Variants in ROBO1 observed in about 807,000 individuals in gnomAD.
The protein encoded by ROBO1 is roundabout homolog 1.
ROBO1 carries 149 observed loss-of-function variants against 195.9 expected under a neutral mutation model. The ratio of observed to expected loss-of-function variants is 0.76; its 90% confidence interval spans 0.67 to 0.87. The LOEUF (loss-of-function observed/expected upper bound fraction) is 0.87, where lower values mean the gene tolerates loss of function less well. Ranked by LOEUF, ROBO1 falls within the 40% of genes least tolerant of loss-of-function variation. The pLI is 0.00. For missense variants in ROBO1, 1,933 were observed against 2,068.3 expected, an observed-to-expected ratio of 0.93 and a Z score of 1.27; for synonymous variants, 816 against 733.2, an observed-to-expected ratio of 1.11 and a Z score of -1.82.
At chr3:78,699,149 T>A (rs930878169) in intron 8 of ROBO1, among the ~76,000 whole-genome samples, 1 of 152,118 alleles carries the variant, frequency 6.6e-6, no homozygotes, top group South Asian at 2.1e-4. Flanking sequence ...CCTCCTTCTC[T>A]CTTTATTGCC....
At chr3:78,899,387 T>C (rs2107456150) in intron 4 of ROBO1, among the ~76,000 whole-genome samples, 1 of 152,358 alleles carries the variant, frequency 6.6e-6, no homozygotes, top group South Asian at 2.1e-4. Flanking sequence ...TAAATGGTTA[T>C]ATGTTTTTAA....
At chr3:79,236,534 C>T (rs569300639) in intron 2 of ROBO1, among the ~76,000 whole-genome samples, 1 of 152,150 alleles carries the variant, frequency 6.6e-6, no homozygotes, top group East Asian at 1.9e-4. Flanking sequence ...AACTTAAAGT[C>T]TTTTTGTACA....
chr3:79,157,948 T>C (rs1576750567), intron 2 of ROBO1, among the ~76,000 whole-genome samples: 1 of 151,940 alleles, frequency 6.6e-6, no homozygotes, highest in African/African-American at 2.4e-5. Flanking sequence ...TGGTCCATCA[T>C]ATGCAGATAG....
intron 2 of ROBO1, among the ~76,000 whole-genome samples, chr3:79,359,227 G>A (rs1430438551): frequency 6.6e-6 from 1 of 151,800 alleles, no homozygotes; most frequent in Non-Finnish European, 1.5e-5. Flanking sequence ...ACAATATAAT[G>A]ATGAAACAGT....
At chr3:79,643,838 A>C (rs1576168379) in intron 1 of ROBO1, among the ~76,000 whole-genome samples, 1 of 152,302 alleles carries the variant, frequency 6.6e-6, no homozygotes, top group East Asian at 1.9e-4. Context: ...GGCATGCACA[A>C]AAGATGACAG....
intron 24 of ROBO1, among the ~76,000 whole-genome samples, chr3:78,632,352 A>G (rs1244583443): frequency 6.6e-6 from 1 of 152,120 alleles, no homozygotes; most frequent in Non-Finnish European, 1.5e-5. Context: ...GTAGGTTACC[A>G]CACTAAGCGT....
intron 4 of ROBO1, among the ~76,000 whole-genome samples, chr3:78,797,246 C>T (rs2084212289): frequency 6.6e-6 from 1 of 152,142 alleles, no homozygotes; most frequent in South Asian, 2.1e-4. Flanking sequence ...TGTCATTGTT[C>T]ATTGGTATAT....
chr3:79,059,588 T>C (rs957840668), intron 3 of ROBO1, among the ~76,000 whole-genome samples: 1 of 152,026 alleles, frequency 6.6e-6, no homozygotes, highest in Admixed American at 6.6e-5. Context: ...ATTGTGAAGA[T>C]TTCATGGACA....
At chr3:79,133,893 C>T (rs1277405839) in intron 2 of ROBO1, among the ~76,000 whole-genome samples, 1 of 149,438 alleles carries the variant, frequency 6.7e-6, no homozygotes, top group Non-Finnish European at 1.5e-5. Flanking sequence ...TGTTAGTTTT[C>T]CTTCTAACAG....
At chr3:79,065,286 A>G (rs1229948637) in intron 3 of ROBO1, among the ~76,000 whole-genome samples, 6 of 151,978 alleles carry the variant, frequency 3.9e-5, no homozygotes, top group African/African-American at 1.4e-4. Context: ...TAATTCTGTC[A>G]TTCCCTATGT....
intron 4 of ROBO1, among the ~76,000 whole-genome samples, chr3:78,794,754 T>C (rs1442174511): frequency 6.6e-6 from 1 of 152,064 alleles, no homozygotes; most frequent in Non-Finnish European, 1.5e-5. Context: ...GGCTAATTTT[T>C]GTATTTTAAT....
At chr3:78,964,497 T>G (rs80169091) in intron 3 of ROBO1, among the ~76,000 whole-genome samples, 1 of 151,888 alleles carries the variant, frequency 6.6e-6, no homozygotes, top group African/African-American at 2.4e-5. Flanking sequence ...GACCTAAATA[T>G]GTCCAAAAAA....
chr3:78,731,233 A>G (rs912001035), intron 5 of ROBO1, among the ~76,000 whole-genome samples: 4 of 152,118 alleles, frequency 2.6e-5, no homozygotes, highest in African/African-American at 9.7e-5. Flanking sequence ...AACGGTATTA[A>G]TTGTAATAAG....
chr3:78,661,393 T>C (rs1707395078), intron 15 of ROBO1, 132 bp from the exon 16 acceptor site: 2 of 498,678 alleles, frequency 4.0e-6, no homozygotes, highest in Admixed American at 7.6e-5. Context: ...ACAAGAAATG[T>C]GTAAGAATTA....
At chr3:79,616,695 A>T (rs1047418736) in intron 1 of ROBO1, among the ~76,000 whole-genome samples, 1 of 151,922 alleles carries the variant, frequency 6.6e-6, no homozygotes, top group African/African-American at 2.4e-5. Flanking sequence ...TGAAGAGAGG[A>T]TCTTCTCTCA....
At chr3:78,707,909 T>A (rs1332438090) in intron 8 of ROBO1, among the ~76,000 whole-genome samples, 2 of 152,182 alleles carry the variant, frequency 1.3e-5, no homozygotes, top group Non-Finnish European at 2.9e-5. Flanking sequence ...GGGATTGGAT[T>A]TTCTTATACT....
At chr3:79,522,281 T>C (rs540776148) in intron 2 of ROBO1, among the ~76,000 whole-genome samples, 3 of 152,176 alleles carry the variant, frequency 2.0e-5, no homozygotes, top group Non-Finnish European at 4.4e-5. Context: ...CCTATTATTA[T>C]CTAAACAGAC....
intron 4 of ROBO1, among the ~76,000 whole-genome samples, chr3:78,808,960 C>A (rs1373286120): frequency 6.6e-6 from 1 of 152,064 alleles, no homozygotes; most frequent in Non-Finnish European, 1.5e-5. Context: ...GACTAAAACA[C>A]CAAAAGCAAT....
chr3:78,684,810 C>A (rs6788511), intron 10 of ROBO1, among the ~76,000 whole-genome samples: 43,030 of 151,952 alleles, frequency 0.28, 6,466 homozygotes, highest in African/African-American at 0.38. Context: ...CATTATCAGA[C>A]GTTTTAAAAG....
Sources: allele counts gnomAD v4.1 joint callset (sites outside exome capture counted in the v4.1 genomes callset), GRCh38; gene constraint gnomAD v4.1.1; transcripts MANE v1.5; gene names NCBI Gene and HGNC (gene_info 2026-07-23, HGNC 2026-07-21).